The following MCTP1 variants were observed in gnomAD, a reference collection of about 807,000 sequenced individuals.
MCTP1 encodes multiple C2 and transmembrane domain containing 1, also known as multiple C2 and transmembrane domain-containing protein 1.
A neutral mutation model predicts 120.6 loss-of-function variants in MCTP1; 69 were observed. The observed-to-expected ratio is 0.57, with a 90% CI of 0.47 to 0.70. MCTP1 has a LOEUF of 0.70. Among genes scored for constraint, MCTP1 ranks in the 30% least tolerant of loss-of-function variants. MCTP1 has a pLI of 0.00. For synonymous variants in MCTP1, 529 were observed against 493.1 expected, an observed-to-expected ratio of 1.07 and a Z score of -0.96; for missense variants, 1,203 against 1,248.8, an observed-to-expected ratio of 0.96 and a Z score of 0.55.
intron 1 of MCTP1, among the ~76,000 whole-genome samples, chr5:95,266,219 G>A (rs1020427112): frequency 3.9e-5 from 6 of 152,188 alleles, no homozygotes; most frequent in African/African-American, 1.4e-4. Context: ...TGCAGGCCAT[G>A]GTTGAAATTT....
intron 1 of MCTP1, among the ~76,000 whole-genome samples, chr5:95,192,422 A>G (rs988768737): frequency 2.6e-5 from 4 of 152,112 alleles, no homozygotes; most frequent in African/African-American, 7.2e-5. Flanking sequence ...ATATAACTAT[A>G]TTAGTCTCTT....
At chr5:94,938,403 A>G (rs945344718) in intron 5 of MCTP1, among the ~76,000 whole-genome samples, 2 of 151,974 alleles carry the variant, frequency 1.3e-5, no homozygotes, top group Admixed American at 1.3e-4. Flanking sequence ...GAAATGCAAC[A>G]TGGTTCCTCT....
Position 94,977,499 on chromosome 5 carries a change from A to AC in MCTP1, c.839-24139dup, listed in dbSNP as rs1183285324. Among the ~76,000 whole-genome samples, 20 of 152,140 alleles carry AC rather than the reference A, an allele frequency of 1.3e-4. No homozygotes were observed. In the South Asian group the frequency reaches 1.7e-3, roughly 13 times the overall value. ...TAAAATTCATATGGAACCACAGATG[A>AC]CCCCGAATAGTCAAAAAAAATCTTG... On this transcript the variant is annotated intron_variant, in intron 2 of 22. Coordinates refer to ENST00000515393, the MANE Select transcript of MCTP1 (RefSeq NM_024717.7).
intron 2 of MCTP1, among the ~76,000 whole-genome samples, chr5:94,968,756 C>T (rs187650511): frequency 4.6e-5 from 7 of 152,192 alleles, no homozygotes; most frequent in Admixed American, 1.3e-4. Flanking sequence ...AAGGTTAGAG[C>T]GCCTTGCAGG....
intron 2 of MCTP1, among the ~76,000 whole-genome samples, chr5:95,012,003 G>A (rs1836083869): frequency 6.6e-6 from 1 of 152,036 alleles, no homozygotes; most frequent in Non-Finnish European, 1.5e-5. Flanking sequence ...CAGGAGCCTT[G>A]ATTACTTTTA....
At position 94,704,448 on chromosome 5, in the gene MCTP1, ATTAATACAAAT is replaced by A; in HGVS notation, c.*3037_*3047del. On this transcript the variant is annotated 3_prime_UTR_variant, in exon 23 of 23. Coordinates refer to ENST00000515393, the MANE Select transcript of MCTP1 (RefSeq NM_024717.7). The stretch of plus-strand genomic sequence containing the variant: ...GCTGAAATTACTGCCTTTGAATAAC[ATTAATACAAAT>A]GTAGACTACTTTGAGCATAGGAGAC... 6.6e-6 allele frequency: 1 copy of A among 151,510 alleles called. No homozygotes were observed. Among genetic ancestry groups the A allele is most frequent in the Non-Finnish European group, 1.5e-5 (1 of 67,634 alleles). 9.4% of individuals were successfully genotyped at this position (151,510 alleles called of 1,614,324 possible). A position where few individuals can be genotyped will look rare whatever the true frequency, so the allele number is the denominator to read the frequency against.
chr5:94,758,597 C>A (rs955150938), intron 19 of MCTP1, among the ~76,000 whole-genome samples: 1 of 152,110 alleles, frequency 6.6e-6, no homozygotes, highest in African/African-American at 2.4e-5. Context: ...CCATATTATT[C>A]TTTTACCTGT....
At chr5:94,983,641 A>ATCTGTCTG (rs34341526) in intron 2 of MCTP1, among the ~76,000 whole-genome samples, 2 of 150,734 alleles carry the variant, frequency 1.3e-5, no homozygotes, top group Non-Finnish European at 1.5e-5. Flanking sequence ...TCCTATCTTT[A>ATCTGTCTG]TCTGTCTGTC....
chr5:94,905,157 A>C lies in MCTP1; in HGVS notation c.1652+4094T>G, dbSNP rs544187789. 6.2e-4 allele frequency among the ~76,000 whole-genome samples: 94 copies of C among 152,136 alleles called. 1 individual carries two copies. The highest frequency in any genetic ancestry group is 4.6e-4 in the Non-Finnish European group (31 of 68,018). On this transcript the variant is annotated intron_variant, in intron 10 of 22. Transcript: ENST00000515393. ...CCCTGAAGAAAGTTAGATAGAGGGAAAGGTCCTGAGGTGGGAGGGTGTCTG... is the reference window on the plus strand; with the variant it reads ...CCCTGAAGAAAGTTAGATAGAGGGACAGGTCCTGAGGTGGGAGGGTGTCTG...
intron 20 of MCTP1, among the ~76,000 whole-genome samples, chr5:94,711,576 T>TA (rs1240852188): frequency 6.6e-6 from 1 of 152,130 alleles, no homozygotes; most frequent in Non-Finnish European, 1.5e-5. Flanking sequence ...TGCTTACTAT[T>TA]ATCTCTCATG....
At chr5:94,764,332 G>A (rs1245867362) in intron 19 of MCTP1, among the ~76,000 whole-genome samples, 1 of 152,188 alleles carries the variant, frequency 6.6e-6, no homozygotes, top group Non-Finnish European at 1.5e-5. Context: ...CCATTGATAA[G>A]AACCTAATTG....
At chr5:95,210,498 C>T (rs1582541074) in intron 1 of MCTP1, among the ~76,000 whole-genome samples, 6 of 148,466 alleles carry the variant, frequency 4.0e-5, no homozygotes, top group African/African-American at 1.5e-4. Flanking sequence ...GATTGCAACC[C>T]CTGCCTTTTT....
At chr5:94,866,046 T>C (rs1796731857) in intron 17 of MCTP1, among the ~76,000 whole-genome samples, 1 of 151,978 alleles carries the variant, frequency 6.6e-6, no homozygotes, top group Non-Finnish European at 1.5e-5. Context: ...GTTTAGAATA[T>C]AAATGGAAAC....
chr5:94,747,549 C>G (rs899923250), intron 19 of MCTP1, among the ~76,000 whole-genome samples: 3 of 152,264 alleles, frequency 2.0e-5, no homozygotes, highest in African/African-American at 7.2e-5. Flanking sequence ...AGTAAGAAAA[C>G]AAATGGGTGT....
rs1754116628 is a variant in MCTP1, at chr5:94,704,592, A to G, written c.*2904T>C. ...ATGCAGAATAAAAATTTTATAAAAG[A>G]TAATTTTAGAAATGTATCAATTAAA... On this transcript the variant is annotated 3_prime_UTR_variant, in exon 23 of 23. Transcript: ENST00000515393. 1 of 151,342 alleles carries G rather than the reference A, an allele frequency of 6.6e-6. No homozygotes were observed. Among genetic ancestry groups the G allele is most frequent in the African/African-American group, 2.4e-5 (1 of 41,332 alleles). The allele number at this position is 151,342 out of a possible 1,614,324, so 9.4% of individuals were successfully genotyped here.
intron 1 of MCTP1, among the ~76,000 whole-genome samples, chr5:95,110,788 G>A (rs752824615): frequency 2.6e-5 from 4 of 152,014 alleles, no homozygotes; most frequent in East Asian, 1.9e-4. Flanking sequence ...AAGTTCTTAC[G>A]GCCAATCTAA....
intron 1 of MCTP1, among the ~76,000 whole-genome samples, chr5:95,171,569 T>C (rs1442847885): frequency 6.6e-6 from 1 of 152,242 alleles, no homozygotes; most frequent in African/African-American, 2.4e-5. Context: ...AGATTTGGTC[T>C]TTTCGCATAG....
Position 95,225,331 on chromosome 5 carries a change from G to T in MCTP1, c.720+58525C>A, listed in dbSNP as rs74850947. 7.3e-3 allele frequency among the ~76,000 whole-genome samples: 1,108 copies of T among 152,262 alleles called. 12 individuals carry two copies. The highest frequency in any genetic ancestry group is 0.03 in the South Asian group (144 of 4,820). On this transcript the variant is annotated intron_variant, in intron 1 of 22. Coordinates refer to ENST00000515393, the MANE Select transcript of MCTP1 (RefSeq NM_024717.7). ...ACAGGTGTCAGCAGTATAGGCCTCA[G>T]AGATGTTAGAATAATTCAGCTGATT...
chr5:94,990,695 C>T (rs767744981), intron 2 of MCTP1, among the ~76,000 whole-genome samples: 26 of 152,186 alleles, frequency 1.7e-4, no homozygotes, highest in Non-Finnish European at 3.4e-4. Flanking sequence ...AGATTCTATC[C>T]ACTCTGAAGG....
Sources: allele counts gnomAD v4.1 joint callset (sites outside exome capture counted in the v4.1 genomes callset), GRCh38; gene constraint gnomAD v4.1.1; transcripts MANE v1.5; gene names NCBI Gene and HGNC (gene_info 2026-07-23, HGNC 2026-07-21).